The following KMT5A variants were observed in gnomAD, a reference collection of about 807,000 sequenced individuals.
KMT5A encodes lysine methyltransferase 5A.
In KMT5A, 6 loss-of-function variants were observed where a neutral mutation model predicts 40.6. The ratio of observed to expected loss-of-function variants is 0.15; its 90% CI spans 0.08 to 0.29. KMT5A has a LOEUF of 0.29. KMT5A is among the 10% of genes least tolerant of loss of function. The pLI is 1.00. For missense variants in KMT5A, 308 were observed against 459.1 expected (o/e 0.67, Z 3.01); for synonymous variants, 153 against 178.8 (o/e 0.86, Z 1.15).
At chr12:123,397,419 T>G (rs1877813020) in intron 5 of KMT5A, among the ~76,000 whole-genome samples, 1 of 152,224 alleles carries the variant, frequency 6.6e-6, no homozygotes. Context: ...AGTTTCAGCA[T>G]TTCAGCCCTC....
chr12:123,403,648 G>T lies in KMT5A; in HGVS notation c.657+16G>T. On this transcript the variant is annotated intron_variant, in intron 6 of 7. Coordinates refer to ENST00000402868, the MANE Select transcript of KMT5A (RefSeq NM_020382.7). ...AGGAATGAAGGTAAGGGGCTGCTGT[G>T]CTTGCTGCATCATAGCTAAAGCTGG... 2 of 1,614,092 alleles carry T rather than the reference G, an allele frequency of 1.2e-6. No homozygotes were observed. Among genetic ancestry groups the T allele is most frequent in the Non-Finnish European group, 1.7e-6 (2 of 1,179,944 alleles).
chr12:123,394,312 A>G (rs1298025386), intron 3 of KMT5A, among the ~76,000 whole-genome samples: 2 of 152,110 alleles, frequency 1.3e-5, no homozygotes, highest in African/African-American at 4.8e-5. Flanking sequence ...CATGTTGGCC[A>G]GGCTGGTCTT....
At chr12:123,400,277 C>T (rs1370437323) in intron 5 of KMT5A, among the ~76,000 whole-genome samples, 3 of 151,522 alleles carry the variant, frequency 2.0e-5, no homozygotes, top group African/African-American at 4.9e-5. Context: ...CCTTGTGATC[C>T]GCCCGCCTCG....
At chr12:123,404,741 G>T in intron 6 of KMT5A, 143 bp from the exon 7 acceptor site, 1 of 750,816 alleles carries the variant, frequency 1.3e-6, no homozygotes, top group East Asian at 2.7e-5. Context: ...CCATCAGCCT[G>T]TACATGTAAA....
chr12:123,389,604 G>A, intron 2 of KMT5A, 50 bp downstream of exon 2: 1 of 1,060,352 alleles, frequency 9.4e-7, no homozygotes, highest in Non-Finnish European at 1.1e-6. Context: ...CCGGGCCGGG[G>A]CCGCGAGCAC....
intron 4 of KMT5A, among the ~76,000 whole-genome samples, chr12:123,396,003 G>A (rs952820691): frequency 5.3e-5 from 8 of 152,168 alleles, no homozygotes; most frequent in African/African-American, 1.9e-4. Flanking sequence ...GCACCACCAT[G>A]CCTGGCTAAT....
intron 1 of KMT5A, among the ~76,000 whole-genome samples, chr12:123,386,734 A>C (rs1043618662): frequency 1.1e-4 from 17 of 152,142 alleles, no homozygotes. Context: ...GGGTCAGTCC[A>C]CCTACCTTTC....
chr12:123,396,438 C>T lies in KMT5A; in HGVS notation c.597+6C>T, dbSNP rs758093635. On this transcript the variant is annotated splice_donor_region_variant and intron_variant, in intron 5 of 7. Transcript: ENST00000402868. ...AGAGCAAAGCCGAGCTGCAGGTAGTCACGTGCTTTAAATTCCAGTTTGTGG... is the reference window on the plus strand; with the variant it reads ...AGAGCAAAGCCGAGCTGCAGGTAGTTACGTGCTTTAAATTCCAGTTTGTGG... 1.2e-5 allele frequency: 20 copies of T among 1,613,864 alleles called. No individual in the cohort carries two copies. In the Admixed American group the frequency reaches 3.0e-4, roughly 24 times the overall value.
At chr12:123,387,100 G>A (rs1158542693) in intron 1 of KMT5A, among the ~76,000 whole-genome samples, 1 of 152,140 alleles carries the variant, frequency 6.6e-6, no homozygotes, top group Non-Finnish European at 1.5e-5. Context: ...CAGGTGATTT[G>A]CCCTCCTCTG....
Position 123,407,610 on chromosome 12 carries a change from C to A in KMT5A, c.966C>A (p.Ala322=). 1 of 1,613,910 alleles carries A rather than the reference C, an allele frequency of 6.2e-7. No individual in the cohort carries two copies. Among genetic ancestry groups the A allele is most frequent in the South Asian group, 1.1e-5 (1 of 91,058 alleles). The part of the protein sequence containing the change: ...IDGVPHLILI[A]SRDIAAGEEL... ...GCGTACCTCACCTCATCCTCATCGC[C>A]TCCCGAGACATCGCGGCTGGGGAGG... is the stretch of plus-strand genomic sequence containing the variant. Residue 322 remains alanine, a synonymous_variant, in exon 8 of 8, where the codon GCC becomes GCA. Coordinates refer to ENST00000402868, the MANE Select transcript of KMT5A (RefSeq NM_020382.7).
intron 5 of KMT5A, among the ~76,000 whole-genome samples, chr12:123,397,663 CTTT>C (rs63687963): frequency 3.0e-4 from 24 of 79,518 alleles, no homozygotes; most frequent in African/African-American, 8.1e-4. Flanking sequence ...TGCTAGGTCA[CTTT>C]TTTTTTTTTT....
intron 5 of KMT5A, among the ~76,000 whole-genome samples, chr12:123,400,105 AG>A: frequency 6.6e-6 from 1 of 151,920 alleles, no homozygotes; most frequent in South Asian, 2.1e-4. Context: ...TACAGGCGTG[AG>A]CCACTGAGCC....
In KMT5A at chr12:123,407,957, C is replaced by T. The variant is rs542657690; in HGVS notation, c.*254C>T. On this transcript the variant is annotated 3_prime_UTR_variant, in exon 8 of 8. Coordinates refer to ENST00000402868, the MANE Select transcript of KMT5A (RefSeq NM_020382.7). Reference sequence around the variant, plus strand: ...GTTGTTTTTGTACTTTTTTTGCATACAAGCCGAACGTTTGTGCTTCCCGTG... The same window carrying T: ...GTTGTTTTTGTACTTTTTTTGCATATAAGCCGAACGTTTGTGCTTCCCGTG... The T allele has an allele frequency of 0.012, 5,730 of 463,728 alleles. 55 individuals are homozygous for T. The highest frequency in any genetic ancestry group is 0.059 in the Middle Eastern group (98 of 1,650). 28.7% of individuals were successfully genotyped at this position (463,728 alleles called of 1,614,324 possible).
rs1593455375 is a variant in KMT5A at position 123,389,543 on chromosome 12, C to T, written c.121C>T (p.Arg41Cys). ...GGAGCGGAGGGGCCCGGGGAGGCCC[C>T]GCACCGACGGGGTAAGCAGGCACCC... ...MVERRGPGRP[R>C]TDGENVFTGQ... The change falls in exon 2 of 8, where the codon CGC becomes TGC. Residue 41 changes from arginine to cysteine, a missense_variant. Transcript: ENST00000402868. 6 of 1,096,410 alleles carry T rather than the reference C, an allele frequency of 5.5e-6. No individual in the cohort carries two copies. The highest frequency in any genetic ancestry group is 3.4e-5 in the African/African-American group (2 of 59,488). The allele number at this position is 1,096,410 out of a possible 1,614,324, so 67.9% of individuals were successfully genotyped here. A position where few individuals can be genotyped will look rare whatever the true frequency, so the allele number is the denominator to read the frequency against.
chr12:123,391,891 G>A (rs140654264), intron 3 of KMT5A, among the ~76,000 whole-genome samples: 1 of 152,228 alleles, frequency 6.6e-6, no homozygotes. Flanking sequence ...CCCTGAACTG[G>A]GGACAGGAGC....
intron 3 of KMT5A, among the ~76,000 whole-genome samples, chr12:123,394,331 G>A (rs1472971429): frequency 2.0e-5 from 3 of 152,150 alleles, no homozygotes; most frequent in African/African-American, 7.2e-5. Context: ...TTGAACTCCC[G>A]ACCTCAGGTG....
chr12:123,403,437 C>G (rs1878324386), intron 5 of KMT5A, 136 bp from the exon 6 acceptor site: 26 of 803,544 alleles, frequency 3.2e-5, no homozygotes, highest in Non-Finnish European at 4.9e-5. Context: ...GGGGACCCAT[C>G]ATCCCCAGTG....
In KMT5A at chr12:123,395,066, C is replaced by T. The variant is rs769605107; in HGVS notation, c.309C>T (p.Asn103=). ...CTGCAGAGAAAAGAAATGCTGGGAACGCAGTACGGAGCGCCATGAAGTCCG... is the reference window on the plus strand; with the variant it reads ...CTGCAGAGAAAAGAAATGCTGGGAATGCAGTACGGAGCGCCATGAAGTCCG... ...RKREEKRNAG[N]AVRSAMKSEE... Residue 103 remains asparagine, a synonymous_variant, in exon 4 of 8, where the codon AAC becomes AAT. Coordinates refer to ENST00000402868, the MANE Select transcript of KMT5A (RefSeq NM_020382.7). 49 of 1,575,344 alleles carry T rather than the reference C, an allele frequency of 3.1e-5. No homozygotes were observed. The highest frequency in any genetic ancestry group is 4.6e-5 in the South Asian group (4 of 86,266).
At chr12:123,390,996 G>C (rs1593457833) in intron 3 of KMT5A, 1 of 563,514 alleles carries the variant, frequency 1.8e-6, no homozygotes, top group East Asian at 3.1e-5. Flanking sequence ...TTTCACAAGA[G>C]TTAGCATATC....
Sources: allele counts gnomAD v4.1 joint callset (sites outside exome capture counted in the v4.1 genomes callset), GRCh38; gene constraint gnomAD v4.1.1; transcripts MANE v1.5; gene names NCBI Gene and HGNC (gene_info 2026-07-23, HGNC 2026-07-21).